Variants in DOCK8 observed in about 807,000 individuals in gnomAD.
DOCK8 encodes the protein dedicator of cytokinesis protein 8.
DOCK8 carries 141 observed loss-of-function variants against 245.6 expected under a neutral mutation model. That is an observed-to-expected ratio of 0.57 (90% CI 0.50 to 0.66). DOCK8 has a LOEUF of 0.66. Ranked by LOEUF, DOCK8 falls within the 30% of genes least tolerant of loss-of-function variation. DOCK8 has a pLI of 0.00. For missense variants in DOCK8, 2,965 were observed against 2,603.4 expected (o/e 1.14, Z -3.02); for synonymous variants, 1,168 against 970.2 (o/e 1.20, Z -3.79).
At position 292,316 on chromosome 9, in the gene DOCK8, G is replaced by A. The variant is rs189619739; in HGVS notation, c.404+2735G>A. On this transcript the variant is annotated intron_variant, in intron 4 of 47. Coordinates refer to ENST00000432829, the MANE Select transcript of DOCK8 (RefSeq NM_203447.4). ...TCCTCTAAAAATAGCTAAACTGGGA[G>A]GCAGAGGTTGTGGTGAGCCAAGATC... Among the ~76,000 whole-genome samples the A allele has an allele frequency of 4.5e-5, 6 of 132,304 alleles. No individual in the cohort carries two copies. In the Admixed American group the frequency reaches 5.4e-4, roughly 12 times the overall value. The allele number at this position is 132,304 out of a possible 152,430, so 86.8% of individuals were successfully genotyped here.
chr9:214,637 C>G (rs746929075), upstream of DOCK8: 3 of 1,611,978 alleles, frequency 1.9e-6, no homozygotes, highest in South Asian at 3.3e-5. Flanking sequence ...GGTCGCCTGT[C>G]GTCCGCCCGC....
At chr9:336,233 A>G (rs535431479) in intron 11 of DOCK8, among the ~76,000 whole-genome samples, 1 of 152,302 alleles carries the variant, frequency 6.6e-6, no homozygotes, top group Admixed American at 6.5e-5. Flanking sequence ...AAATATAGAA[A>G]TAAAAGAAAA....
intron 43 of DOCK8, among the ~76,000 whole-genome samples, chr9:445,744 T>C (rs2057233818): frequency 1.1e-4 from 1 of 9,472 alleles, no homozygotes; most frequent in Admixed American, 2.8e-3. Flanking sequence ...TTCTAGTCTT[T>C]GTTATGAATA....
At position 441,147 on chromosome 9, in the gene DOCK8, C is replaced by T. The variant is rs560680270; in HGVS notation, c.5224-139C>T. 1.0e-5 allele frequency: 13 copies of T among 1,278,970 alleles called. No homozygotes were observed. The African/African-American group carries it at 1.3e-4, about 13-fold the overall frequency. The allele number at this position is 1,278,970 out of a possible 1,614,324, so 79.2% of individuals were successfully genotyped here. On this transcript the variant is annotated intron_variant, in intron 40 of 47. Transcript: ENST00000432829. ...CCACTGTCCCAAAAGTGCTCAGATA[C>T]CCCTTCTTGCCCTGTGAAATACTGT...
Position 214,915 on chromosome 9 carries a change from C to A in DOCK8, c.-62C>A, listed in dbSNP as rs2046702857. On this transcript the variant is annotated 5_prime_UTR_variant, in exon 1 of 48. Coordinates refer to ENST00000432829, the MANE Select transcript of DOCK8 (RefSeq NM_203447.4). ...GGCATGTTCCGCGGCTACTCTGCGG[C>A]GCGCCAGGCCCCCGCTTTCCGCACC... is the stretch of plus-strand genomic sequence containing the variant. The A allele has an allele frequency of 9.4e-6, 15 of 1,604,144 alleles. No individual in the cohort carries two copies. Among genetic ancestry groups the A allele is most frequent in the Non-Finnish European group, 1.3e-5 (15 of 1,177,070 alleles).
intron 18 of DOCK8, among the ~76,000 whole-genome samples, chr9:374,449 TTGTG>T (rs869066012): frequency 5.4e-5 from 7 of 130,294 alleles, no homozygotes; most frequent in Admixed American, 9.0e-5. Context: ...CATGGTCCTT[TTGTG>T]TTTTTTTTTT....
At chr9:434,754 A>C in intron 38 of DOCK8, 29 bp from the exon 39 acceptor site, 3 of 1,612,738 alleles carry the variant, frequency 1.9e-6, no homozygotes, top group Non-Finnish European at 2.5e-6. Flanking sequence ...ACTGTCCTCA[A>C]AACTACTTCT....
At chr9:332,282 CAGAT>C (rs2051048146) in intron 9 of DOCK8, 112 bp from the exon 10 acceptor site, 8 of 711,518 alleles carry the variant, frequency 1.1e-5, no homozygotes, top group East Asian at 1.1e-4. Flanking sequence ...ATATGTATCA[CAGAT>C]AGCTTCCTAT....
At chr9:273,110 A>C in intron 2 of DOCK8, 1 of 985,300 alleles carries the variant, frequency 1.0e-6, no homozygotes, top group Non-Finnish European at 1.2e-6. Flanking sequence ...GGTATGTTTT[A>C]CTGGAGTGAT....
At chr9:290,761 A>G (rs1001744664) in intron 4 of DOCK8, among the ~76,000 whole-genome samples, 3 of 152,188 alleles carry the variant, frequency 2.0e-5, no homozygotes, top group African/African-American at 7.2e-5. Context: ...TTAGTAGTTT[A>G]AAATTCTGAT....
chr9:446,343 T>A lies in DOCK8; in HGVS notation c.5581-27T>A, dbSNP rs187787210. The A allele has an allele frequency of 1.4e-5, 23 of 1,595,668 alleles. No individual in the cohort carries two copies. The Admixed American group carries it at 3.7e-4, about 25-fold the overall frequency. On this transcript the variant is annotated intron_variant, in intron 43 of 47. Transcript: ENST00000432829. ...TGGCCGTTTGCAGAATAGCTCATCT[T>A]CTCCCTCCGTGCCTTTTCCCCCTTA...
At chr9:375,822 C>T (rs2053490635) in intron 18 of DOCK8, among the ~76,000 whole-genome samples, 1 of 152,092 alleles carries the variant, frequency 6.6e-6, no homozygotes, top group African/African-American at 2.4e-5. Flanking sequence ...CATGGTGAAA[C>T]CACATTTCTA....
At chr9:385,023 T>G (rs1221129044) in intron 22 of DOCK8, among the ~76,000 whole-genome samples, 1 of 152,252 alleles carries the variant, frequency 6.6e-6, no homozygotes, top group African/African-American at 2.4e-5. Context: ...ATTCTATCCT[T>G]TTTGACTTAC....
At chr9:285,973 C>G (rs895539137) in intron 2 of DOCK8, among the ~76,000 whole-genome samples, 1 of 152,080 alleles carries the variant, frequency 6.6e-6, no homozygotes, top group African/African-American at 2.4e-5. Context: ...GAAGTGCTTT[C>G]GAGAACCAAT....
At chr9:417,334 T>A (rs578132839) in intron 29 of DOCK8, among the ~76,000 whole-genome samples, 1 of 152,284 alleles carries the variant, frequency 6.6e-6, no homozygotes, top group East Asian at 1.9e-4. Context: ...TTCACAACTT[T>A]AGTAGAAGAA....
chr9:276,977 T>C (rs1177753629), intron 2 of DOCK8: 2 of 341,272 alleles, frequency 5.9e-6, no homozygotes, highest in Admixed American at 6.3e-5. Context: ...TGGCTAATTT[T>C]TGTATTTTTT....
At chr9:415,454 C>G (rs976350103) in intron 29 of DOCK8, among the ~76,000 whole-genome samples, 2 of 151,954 alleles carry the variant, frequency 1.3e-5, no homozygotes, top group Admixed American at 1.3e-4. Flanking sequence ...GCCCTTGGCA[C>G]TAAGTGACTA....
intron 1 of DOCK8, chr9:215,312 C>T (rs1021324265): frequency 1.2e-6 from 2 of 1,605,160 alleles, no homozygotes; most frequent in African/African-American, 2.7e-5. Flanking sequence ...CCCGCTCCGC[C>T]CTCCAGGTTC....
In DOCK8 at chr9:429,821, C is replaced by T; in HGVS notation, c.4593C>T (p.Tyr1531=). Residue 1531 remains tyrosine, a synonymous_variant, in exon 36 of 48, where the codon TAC becomes TAT. Coordinates refer to ENST00000432829, the MANE Select transcript of DOCK8 (RefSeq NM_203447.4). ...VTRSQACATL[Y]LLMRFSFGAT... Reference sequence around the variant, plus strand: ...GGAGCCAAGCCTGTGCCACCCTTTACCTCCTCATGAGGTTCAGTTTTGGAG... The same window carrying T: ...GGAGCCAAGCCTGTGCCACCCTTTATCTCCTCATGAGGTTCAGTTTTGGAG... 6.2e-7 allele frequency: 1 copy of T among 1,614,180 alleles called. No homozygotes were observed. Among genetic ancestry groups the T allele is most frequent in the Non-Finnish European group, 8.5e-7 (1 of 1,180,016 alleles).
Sources: gnomAD v4.1 joint callset for allele counts (sites outside exome capture counted in the v4.1 genomes callset) on GRCh38, gnomAD v4.1.1 for gene constraint, MANE v1.5 for transcripts, NCBI Gene and HGNC (gene_info 2026-07-23, HGNC 2026-07-21) for gene names.